EIF3E: variants seen among roughly 807,000 people sequenced by gnomAD.
EIF3E encodes the protein eukaryotic translation initiation factor 3 subunit E.
In EIF3E, 25 loss-of-function variants were observed where a neutral mutation model predicts 59.3. The observed-to-expected ratio is 0.42, with a 90% CI of 0.31 to 0.59. The LOEUF is 0.59. Among genes scored for constraint, EIF3E ranks in the 20% least tolerant of loss-of-function variants. The probability of loss-of-function intolerance (pLI) is 0.15; values close to 1 mark genes in which losing one functional copy is unlikely to be tolerated. For missense variants in EIF3E, 317 were observed against 534.3 expected (o/e 0.59, Z 4.01); for synonymous variants, 176 against 170.2 (o/e 1.03, Z -0.26).
At chr8:108,204,480 A>G (rs982956679) in intron 10 of EIF3E, among the ~76,000 whole-genome samples, 7 of 152,028 alleles carry the variant, frequency 4.6e-5, no homozygotes, top group African/African-American at 1.4e-4. Flanking sequence ...GTTCTCCTTT[A>G]TAAGTGGGAG....
chr8:108,248,576 G>GC, intron 1 of EIF3E, 37 bp downstream of exon 1: 1 of 1,603,554 alleles, frequency 6.2e-7, no homozygotes, highest in Non-Finnish European at 8.5e-7. Flanking sequence ...CACCTCATCC[G>GC]CCCCCACGCC....
chr8:108,215,905 C>T (rs112285295), intron 9 of EIF3E, among the ~76,000 whole-genome samples: 15 of 152,232 alleles, frequency 9.9e-5, no homozygotes, highest in African/African-American at 3.1e-4. Flanking sequence ...ATAAGAGACA[C>T]CGCCGTTATA....
intron 10 of EIF3E, among the ~76,000 whole-genome samples, chr8:108,211,795 A>G (rs141269549): frequency 2.0e-5 from 3 of 152,342 alleles, no homozygotes; most frequent in Non-Finnish European, 4.4e-5. Context: ...GCTGCAAATC[A>G]TAGCATAGCC....
chr8:108,216,391 T>C (rs909134431), intron 9 of EIF3E, 21 bp downstream of exon 9: 13 of 1,562,956 alleles, frequency 8.3e-6, no homozygotes, highest in Non-Finnish European at 1.0e-5. Flanking sequence ...TATTAGTTTA[T>C]AAATAAAAAT....
intron 10 of EIF3E, 148 bp downstream of exon 10, chr8:108,214,459 T>C: frequency 2.9e-6 from 2 of 685,166 alleles, no homozygotes; most frequent in Non-Finnish European, 4.6e-6. Flanking sequence ...TTTTAAATAA[T>C]TTTATCAAAT....
intron 10 of EIF3E, among the ~76,000 whole-genome samples, chr8:108,213,609 A>G (rs1438872301): frequency 6.6e-6 from 1 of 152,164 alleles, no homozygotes; most frequent in Non-Finnish European, 1.5e-5. Flanking sequence ...ACAAAGAACA[A>G]TGCAAGAATT....
At chr8:108,222,509 A>G (rs950585320) in intron 7 of EIF3E, among the ~76,000 whole-genome samples, 3 of 152,308 alleles carry the variant, frequency 2.0e-5, no homozygotes, top group Admixed American at 2.0e-4. Flanking sequence ...TTCTTGAAGG[A>G]TCAGCAATTA....
intron 10 of EIF3E, among the ~76,000 whole-genome samples, chr8:108,213,604 GAAC>G (rs1302735481): frequency 6.6e-6 from 1 of 152,036 alleles, no homozygotes; most frequent in Non-Finnish European, 1.5e-5. Context: ...TAAAAACAAA[GAAC>G]AATGCAAGAA....
Position 108,248,688 on chromosome 8 carries a change from G to A in EIF3E, c.15C>T (p.Asp5=), listed in dbSNP as rs762715781. The part of the protein sequence containing the change: MAEY[D]LTTRIAHFLD... ...AAAAGTGCGCGATGCGAGTAGTCAA[G>A]TCGTACTCCGCCATCTTGCCAAAGA... Residue 5 remains aspartate (D), a synonymous_variant, in exon 1 of 13, where the codon GAC becomes GAT. Coordinates refer to ENST00000220849, the MANE Select transcript of EIF3E (RefSeq NM_001568.3). 1.9e-6 allele frequency: 3 copies of A among 1,614,192 alleles called. No homozygotes were observed. The Admixed American group carries it at 5.0e-5, about 27-fold the overall frequency.
intron 10 of EIF3E, 24 bp from the exon 11 acceptor site, chr8:108,203,527 A>G: frequency 1.3e-6 from 2 of 1,599,036 alleles, no homozygotes; most frequent in Non-Finnish European, 1.7e-6. Flanking sequence ...AAAAACAGCA[A>G]TGTTAATTAA....
At chr8:108,238,368 C>CA (rs1815774548) in intron 3 of EIF3E, among the ~76,000 whole-genome samples, 1 of 152,124 alleles carries the variant, frequency 6.6e-6, no homozygotes, top group African/African-American at 2.4e-5. Context: ...CCAAAATCTG[C>CA]AGGTGCTAAA....
At chr8:108,240,149 G>A in intron 2 of EIF3E, 74 bp from the exon 3 acceptor site, 2 of 1,235,904 alleles carry the variant, frequency 1.6e-6, no homozygotes. Flanking sequence ...AGAATGTCTG[G>A]AAATTTTTCA....
intron 3 of EIF3E, among the ~76,000 whole-genome samples, chr8:108,236,823 A>G (rs907615696): frequency 2.0e-5 from 3 of 152,232 alleles, no homozygotes; most frequent in African/African-American, 7.2e-5. Context: ...GGAGTTCAAG[A>G]CCAGCCTGGC....
At position 108,202,539 on chromosome 8, in the gene EIF3E, T is replaced by C. The variant is rs191170800; in HGVS notation, c.1299+444A>G. On this transcript the variant is annotated intron_variant, in intron 12 of 12. Coordinates refer to ENST00000220849, the MANE Select transcript of EIF3E (RefSeq NM_001568.3). ...ATTAATTTTTGATATGAATATCAGA[T>C]GAAAGATAATGAAATTTGTATAAGA... Among the ~76,000 whole-genome samples, 11 of 152,170 alleles carry C rather than the reference T, an allele frequency of 7.2e-5. No individual in the cohort carries two copies. The East Asian group carries it at 2.1e-3, about 29-fold the overall frequency.
chr8:108,221,010 G>C (rs686630), intron 7 of EIF3E, among the ~76,000 whole-genome samples: 76,101 of 151,754 alleles, frequency 0.5, 19,146 homozygotes, highest in African/African-American at 0.58. Context: ...CTCCAGACTG[G>C]GCGACAGAGC....
intron 7 of EIF3E, among the ~76,000 whole-genome samples, chr8:108,226,885 A>T (rs74765277): frequency 0.021 from 3,217 of 152,372 alleles, 132 homozygotes; most frequent in African/African-American, 0.073. Flanking sequence ...GGAGGATATC[A>T]GCCAAGTATA....
At chr8:108,248,259 C>T (rs1815986371) in intron 1 of EIF3E, among the ~76,000 whole-genome samples, 1 of 152,240 alleles carries the variant, frequency 6.6e-6, no homozygotes, top group Non-Finnish European at 1.5e-5. Flanking sequence ...TCTAACAGCA[C>T]TCCAGGTTGC....
intron 9 of EIF3E, among the ~76,000 whole-genome samples, chr8:108,215,922 G>T (rs979524780): frequency 6.6e-6 from 1 of 152,098 alleles, no homozygotes; most frequent in Non-Finnish European, 1.5e-5. Flanking sequence ...TATAAAATTC[G>T]TAATTACAAT....
chr8:108,246,605 T>C (rs1240552231), intron 1 of EIF3E, among the ~76,000 whole-genome samples: 1 of 152,100 alleles, frequency 6.6e-6, no homozygotes, highest in East Asian at 1.9e-4. Context: ...GGTCCACGTA[T>C]ACACAACTTT....
Sources: allele counts gnomAD v4.1 joint callset (sites outside exome capture counted in the v4.1 genomes callset), GRCh38; gene constraint gnomAD v4.1.1; transcripts MANE v1.5; gene names NCBI Gene and HGNC (gene_info 2026-07-23, HGNC 2026-07-21).